PHACTR1: variants seen among roughly 807,000 people sequenced by gnomAD.
PHACTR1 encodes RPEL repeat containing 1.
PHACTR1 carries 16 observed loss-of-function variants against 69.2 expected under a neutral mutation model. The ratio of observed to expected loss-of-function variants is 0.23; its 90% CI spans 0.16 to 0.35. The LOEUF (loss-of-function observed/expected upper bound fraction) is 0.35, where lower values mean the gene tolerates loss of function less well. Ranked by LOEUF, PHACTR1 falls within the 10% of genes least tolerant of loss-of-function variation. The probability of loss-of-function intolerance (pLI) is 1.00; values close to 1 mark genes in which losing one functional copy is unlikely to be tolerated. For missense variants in PHACTR1, 510 were observed against 734.7 expected (o/e 0.69, Z 3.54); for synonymous variants, 312 against 284.5 (o/e 1.10, Z -0.97).
intron 7 of PHACTR1, among the ~76,000 whole-genome samples, chr6:13,201,661 C>T (rs6923943): frequency 0.028 from 4,329 of 152,264 alleles, 212 homozygotes; most frequent in African/African-American, 0.097. Flanking sequence ...ATACAGAAGT[C>T]TGAGTGGGAA....
chr6:12,789,078 G>T (rs1042695955), intron 4 of PHACTR1, among the ~76,000 whole-genome samples: 2 of 152,118 alleles, frequency 1.3e-5, no homozygotes, highest in Non-Finnish European at 2.9e-5. Context: ...TCAGTTTTGC[G>T]CACAATGCCT....
intron 7 of PHACTR1, among the ~76,000 whole-genome samples, chr6:13,193,578 A>G (rs534808416): frequency 2.6e-5 from 4 of 151,306 alleles, no homozygotes; most frequent in African/African-American, 9.7e-5. Flanking sequence ...TTTAGAGACA[A>G]GGTCTCTCGA....
rs113620634 is a variant in PHACTR1 at position 13,187,106 on chromosome 6, A to G, written c.664+4420A>G. Among the ~76,000 whole-genome samples, 324 of 152,236 alleles carry G rather than the reference A, an allele frequency of 2.1e-3. 3 individuals carry two copies. The highest frequency in any genetic ancestry group is 7.2e-3 in the African/African-American group (297 of 41,532). On this transcript the variant is annotated intron_variant, in intron 7 of 14. Coordinates refer to ENST00000332995, the MANE Select transcript of PHACTR1 (RefSeq NM_030948.6). ...GGAGCTCAGGAGGTAATGGTGAGCA[A>G]TGGGGAGTGGCTGTAAATACAAATG...
chr6:13,249,312 T>C (rs185830845), intron 10 of PHACTR1, among the ~76,000 whole-genome samples: 4 of 152,214 alleles, frequency 2.6e-5, no homozygotes, highest in African/African-American at 9.6e-5. Context: ...AGACTCTAAC[T>C]TACGCCTGAT....
At chr6:13,044,339 G>T (rs1241621320) in intron 4 of PHACTR1, among the ~76,000 whole-genome samples, 4 of 152,190 alleles carry the variant, frequency 2.6e-5, no homozygotes, top group Non-Finnish European at 5.9e-5. Flanking sequence ...GCTAAATGAA[G>T]ATGTTTTAGT....
chr6:12,847,368 T>C lies in PHACTR1; in HGVS notation c.250+97578T>C, dbSNP rs201445211. ...ACTAAAGATTCAGCAATCTCATCTA[T>C]GACAAAAGAGATGAGTCAAAAACCA... On this transcript the variant is annotated intron_variant, in intron 4 of 14. Coordinates refer to ENST00000332995, the MANE Select transcript of PHACTR1 (RefSeq NM_030948.6). Among the ~76,000 whole-genome samples the C allele has an allele frequency of 2.6e-5, 4 of 152,322 alleles. No homozygotes were observed. The East Asian group carries it at 7.7e-4, about 29-fold the overall frequency.
chr6:12,999,333 C>A (rs1283706768), intron 4 of PHACTR1, among the ~76,000 whole-genome samples: 1 of 152,204 alleles, frequency 6.6e-6, no homozygotes, highest in African/African-American at 2.4e-5. Flanking sequence ...GGCATGGTGG[C>A]TCACGCCTGT....
At chr6:12,762,563 TCACGTAAGAAGTTCA>T (rs1292687766) in intron 4 of PHACTR1, among the ~76,000 whole-genome samples, 12 of 152,298 alleles carry the variant, frequency 7.9e-5, no homozygotes, top group African/African-American at 2.6e-4. Flanking sequence ...TTTTAACCTA[TCACGTAAGAAGTTCA>T]TTTTAAATAT....
At chr6:13,074,288 G>A (rs1038129755) in intron 5 of PHACTR1, among the ~76,000 whole-genome samples, 1 of 152,056 alleles carries the variant, frequency 6.6e-6, no homozygotes, top group East Asian at 1.9e-4. Flanking sequence ...TTATAATTAA[G>A]GATATACAAA....
intron 4 of PHACTR1, among the ~76,000 whole-genome samples, chr6:12,836,340 T>A (rs116500418): frequency 1.7e-4 from 26 of 152,294 alleles, no homozygotes; most frequent in Admixed American, 2.6e-4. Flanking sequence ...GGCAAGCAAT[T>A]TACCTGAATT....
chr6:13,225,328 A>T (rs952172265), intron 8 of PHACTR1, among the ~76,000 whole-genome samples: 6 of 152,250 alleles, frequency 3.9e-5, no homozygotes, highest in Non-Finnish European at 8.8e-5. Context: ...CACATCAAGA[A>T]GATGACCTGA....
At chr6:12,726,070 A>G (rs1012327580) in intron 3 of PHACTR1, among the ~76,000 whole-genome samples, 4 of 152,194 alleles carry the variant, frequency 2.6e-5, no homozygotes, top group African/African-American at 9.6e-5. Flanking sequence ...AATAATATTC[A>G]AATACATAGA....
chr6:12,877,815 C>A (rs977331612), intron 4 of PHACTR1, among the ~76,000 whole-genome samples: 1 of 152,212 alleles, frequency 6.6e-6, no homozygotes, highest in Non-Finnish European at 1.5e-5. Flanking sequence ...TGTGCGCTCA[C>A]CTTCATAACA....
chr6:13,023,939 T>C (rs1801336755), intron 4 of PHACTR1, among the ~76,000 whole-genome samples: 1 of 152,102 alleles, frequency 6.6e-6, no homozygotes, highest in Admixed American at 6.5e-5. Context: ...TAGCCGGGCA[T>C]GGTGGCACTT....
intron 4 of PHACTR1, among the ~76,000 whole-genome samples, chr6:12,926,820 T>A (rs1788315382): frequency 6.6e-6 from 1 of 152,226 alleles, no homozygotes; most frequent in Non-Finnish European, 1.5e-5. Context: ...TCACAGTACT[T>A]ACAGACAAAA....
Position 12,881,094 on chromosome 6 carries a change from G to A in PHACTR1, c.250+131304G>A, listed in dbSNP as rs1055702632. Among the ~76,000 whole-genome samples, 7 of 152,208 alleles carry A rather than the reference G, an allele frequency of 4.6e-5. No homozygotes were observed. The East Asian group carries it at 5.8e-4, about 13-fold the overall frequency. ...TACGAAGCACAGTGCCAGGAATAGCGTAAGTTTGCAACAAATGGTAGTTAT... is the reference window on the plus strand; with the variant it reads ...TACGAAGCACAGTGCCAGGAATAGCATAAGTTTGCAACAAATGGTAGTTAT... On this transcript the variant is annotated intron_variant, in intron 4 of 14. Transcript: ENST00000332995.
At chr6:13,178,569 T>C (rs1483459105) in intron 6 of PHACTR1, among the ~76,000 whole-genome samples, 2 of 152,250 alleles carry the variant, frequency 1.3e-5, no homozygotes, top group Non-Finnish European at 2.9e-5. Flanking sequence ...TGTTTTTTAA[T>C]AGCCTCCAGC....
At chr6:12,763,909 T>C (rs1768315342) in intron 4 of PHACTR1, among the ~76,000 whole-genome samples, 1 of 142,668 alleles carries the variant, frequency 7.0e-6, no homozygotes. Context: ...TAATAAAACA[T>C]ATTATTAATT....
intron 4 of PHACTR1, among the ~76,000 whole-genome samples, chr6:12,972,080 T>A (rs1179556431): frequency 1.3e-5 from 2 of 152,360 alleles, no homozygotes; most frequent in Non-Finnish European, 2.9e-5. Flanking sequence ...CCTTTTACTA[T>A]ATCTGGATGG....
Sources: gnomAD v4.1 joint callset for allele counts (sites outside exome capture counted in the v4.1 genomes callset) on GRCh38, gnomAD v4.1.1 for gene constraint, MANE v1.5 for transcripts, NCBI Gene and HGNC (gene_info 2026-07-23, HGNC 2026-07-21) for gene names.